AKR1C2: variants seen among roughly 807,000 people sequenced by gnomAD.
AKR1C2 encodes 3-alpha-HSD3.
AKR1C2 carries 27 observed loss-of-function variants against 39.8 expected under a neutral mutation model. That is an observed-to-expected ratio of 0.68 (90% CI 0.50 to 0.93). The LOEUF is 0.93. AKR1C2 is among the 40% of genes least tolerant of loss of function. The pLI is 0.00. For synonymous variants in AKR1C2, 114 were observed against 137.9 expected (o/e 0.83, Z 1.22); for missense variants, 263 against 365.1 (o/e 0.72, Z 2.28).
chr10:5,009,156 G>A (rs1554774679), intron 1 of AKR1C2, among the ~76,000 whole-genome samples: 1 of 152,210 alleles, frequency 6.6e-6, no homozygotes, highest in Non-Finnish European at 1.5e-5. Context: ...AAAGCAATAT[G>A]TAGGAAGTTT....
chr10:5,000,429 C>T lies in AKR1C2; in HGVS notation c.369+121G>A, dbSNP rs555021737. On this transcript the variant is annotated intron_variant, in intron 3 of 8. Transcript: ENST00000380753. ...AAGGAATTAGGAGTTATGTTTAGGG[C>T]TCTTCTTCCATGTTAAAATCCCTAT... 3.8e-6 allele frequency: 6 copies of T among 1,590,778 alleles called. No homozygotes were observed. In the South Asian group the frequency reaches 5.7e-5, roughly 15 times the overall value.
At chr10:5,012,452 C>A (rs1322128688) in intron 1 of AKR1C2, among the ~76,000 whole-genome samples, 1 of 151,410 alleles carries the variant, frequency 6.6e-6, no homozygotes, top group African/African-American at 2.4e-5. Flanking sequence ...AAAATCCTTA[C>A]AAGTGGCACC....
rs782273536 is a variant in AKR1C2 at position 4,998,749 on chromosome 10, T to C, written c.448-2A>G. The stretch of plus-strand genomic sequence containing the variant: ...TGCATCTTTACACTTCTCCATGGCC[T>C]GGGAAAAAGGAATTGTGAGGTATCA... On this transcript the variant is annotated splice_acceptor_variant, in intron 4 of 8. Transcript: ENST00000380753. LOFTEE classifies it high-confidence loss of function. The C allele has an allele frequency of 9.9e-6, 16 of 1,613,464 alleles. No homozygotes were observed. The highest frequency in any genetic ancestry group is 1.7e-5 in the Admixed American group (1 of 59,852).
In AKR1C2 at chr10:4,999,488, A is replaced by G. The variant is rs3020668; in HGVS notation, c.370-211T>C. On this transcript the variant is annotated intron_variant, in intron 3 of 8. Coordinates refer to ENST00000380753, the MANE Select transcript of AKR1C2 (RefSeq NM_001393392.1). ...CTAATCTCTTACACCTATTATATGT[A>G]TAAATAAATACCATCTTTCTGGTTC... 39,760 of 993,672 alleles carry G rather than the reference A, an allele frequency of 0.04. 1,307 individuals carry two copies. Among genetic ancestry groups the G allele is most frequent in the African/African-American group, 0.15 (9,339 of 60,776 alleles). 61.6% of individuals were successfully genotyped at this position (993,672 alleles called of 1,614,324 possible).
At chr10:5,008,147 G>C (rs1837442378), upstream of AKR1C2, among the ~76,000 whole-genome samples, 1 of 151,480 alleles carries the variant, frequency 6.6e-6, no homozygotes, top group African/African-American at 2.4e-5. Context: ...GAATTTTGAG[G>C]GGTAAGGCCT....
intron 1 of AKR1C2, among the ~76,000 whole-genome samples, chr10:5,013,022 A>C (rs1394814070): frequency 6.6e-6 from 1 of 152,196 alleles, no homozygotes; most frequent in Non-Finnish European, 1.5e-5. Context: ...ACCTCTATTC[A>C]GGCTGTTGCC....
intron 3 of AKR1C2, chr10:4,999,485 T>C: frequency 9.7e-7 from 1 of 1,030,698 alleles, no homozygotes; most frequent in South Asian, 1.8e-5. Flanking sequence ...ACCTATTATA[T>C]GTATAAATAA....
chr10:4,993,600 CAAGA>C (rs1401935685), intron 7 of AKR1C2, among the ~76,000 whole-genome samples: 3 of 152,004 alleles, frequency 2.0e-5, no homozygotes, highest in Non-Finnish European at 4.4e-5. Flanking sequence ...ACACCAACCA[CAAGA>C]AAGAGGCATG....
rs200244668 is a variant in AKR1C2 at position 4,998,717 on chromosome 10, C to G, written c.478G>C (p.Ala160Pro). The G allele has an allele frequency of 6.2e-7, 1 of 1,614,082 alleles. No homozygotes were observed. The highest frequency in any genetic ancestry group is 1.1e-5 in the South Asian group (1 of 91,074). The change falls in exon 5 of 9, where the codon GCC (alanine) becomes CCC (proline). Residue 160 changes from alanine to proline, a missense_variant. Ala to Pro is a conservative substitution (Grantham distance 27). Coordinates refer to ENST00000380753, the MANE Select transcript of AKR1C2 (RefSeq NM_001393392.1). ...AAGTTGGACACCCCGATGGACTTGG[C>G]CAATCCTGCATCTTTACACTTCTCC... ...AMEKCKDAGL[A>P]KSIGVSNFNH... is the part of the protein sequence containing the mutation.
chr10:5,017,412 T>C (rs150334063), intron 1 of AKR1C2, among the ~76,000 whole-genome samples: 5 of 152,330 alleles, frequency 3.3e-5, no homozygotes, highest in Non-Finnish European at 7.4e-5. Flanking sequence ...TTCCATCAGA[T>C]ACCCTAAATC....
chr10:5,000,794 T>G (rs1490689558), intron 2 of AKR1C2, 128 bp from the exon 3 acceptor site: 66 of 762,916 alleles, frequency 8.7e-5, no homozygotes, highest in Non-Finnish European at 1.1e-4. Context: ...TTATTCTCTC[T>G]CTTCTTGTGA....
At chr10:5,003,657 T>G (rs1837336747) in intron 1 of AKR1C2, 95 bp downstream of exon 1, 1 of 1,253,936 alleles carries the variant, frequency 8.0e-7, no homozygotes, top group South Asian at 1.3e-5. Context: ...AGGGGAGTCA[T>G]GCAGAGTAAC....
intron 7 of AKR1C2, among the ~76,000 whole-genome samples, chr10:4,992,943 C>G (rs1170135725): frequency 4.0e-5 from 6 of 151,516 alleles, no homozygotes; most frequent in African/African-American, 1.5e-4. Context: ...GAACGAGACT[C>G]TGTCTCAAAA....
chr10:4,991,540 A>G (rs548501760), intron 8 of AKR1C2, among the ~76,000 whole-genome samples: 1 of 152,288 alleles, frequency 6.6e-6, no homozygotes, highest in African/African-American at 2.4e-5. Context: ...AGTAATACAA[A>G]CGGCAGGCCT....
rs782226420 is a variant in AKR1C2, at chr10:4,998,709, G to A, written c.486C>T (p.Ser162=). Residue 162 remains serine (S), a synonymous_variant, in exon 5 of 9, where the codon TCC becomes TCT. Coordinates refer to ENST00000380753, the MANE Select transcript of AKR1C2 (RefSeq NM_001393392.1). Reference sequence around the variant, plus strand: ...TGTGGTTGAAGTTGGACACCCCGATGGACTTGGCCAATCCTGCATCTTTAC... The same window carrying A: ...TGTGGTTGAAGTTGGACACCCCGATAGACTTGGCCAATCCTGCATCTTTAC... ...EKCKDAGLAK[S]IGVSNFNHRL... 1.2e-6 allele frequency: 2 copies of A among 1,614,130 alleles called. No homozygotes were observed. The highest frequency in any genetic ancestry group is 1.1e-5 in the South Asian group (1 of 91,072).
At chr10:5,000,366 C>A (rs370559563) in intron 3 of AKR1C2, 184 bp downstream of exon 3, 2 of 1,548,052 alleles carry the variant, frequency 1.3e-6, no homozygotes, top group African/African-American at 1.4e-5. Context: ...CATGCAATCA[C>A]GGAAGTATGG....
At chr10:4,997,796 T>C (rs1463265970) in intron 5 of AKR1C2, among the ~76,000 whole-genome samples, 3 of 152,220 alleles carry the variant, frequency 2.0e-5, no homozygotes, top group Non-Finnish European at 2.9e-5. Flanking sequence ...GGTGTAGTGA[T>C]TTTAATGCTG....
rs183035298 is a variant in AKR1C2 at position 5,012,182 on chromosome 10, G to A, written c.-88+5718C>T. Among the ~76,000 whole-genome samples the A allele has an allele frequency of 3.4e-3, 523 of 151,910 alleles. 7 individuals are homozygous for A. The highest frequency in any genetic ancestry group is 0.03 in the Admixed American group (464 of 15,244). On this transcript the variant is annotated intron_variant, in intron 1 of 6. Transcript: ENST00000604507. The stretch of plus-strand genomic sequence containing the variant: ...CTGAGATGAAATCTAGATTTTTCAG[G>A]ACCTAGTGGCTAGTGATATAGTACT...
At chr10:5,002,350 T>G (rs1374977789) in intron 1 of AKR1C2, among the ~76,000 whole-genome samples, 1 of 152,234 alleles carries the variant, frequency 6.6e-6, no homozygotes, top group Non-Finnish European at 1.5e-5. Context: ...GAACTCCACT[T>G]TCTCAGATGC....
Sources: gnomAD v4.1 joint callset for allele counts (sites outside exome capture counted in the v4.1 genomes callset) on GRCh38, gnomAD v4.1.1 for gene constraint, MANE v1.5 for transcripts, NCBI Gene and HGNC (gene_info 2026-07-23, HGNC 2026-07-21) for gene names.